Variants in PAK5 observed in about 807,000 individuals in gnomAD.
The protein encoded by PAK5 is p21 (RAC1) activated kinase 5, also known as serine/threonine-protein kinase PAK 5.
A neutral mutation model predicts 65.9 loss-of-function variants in PAK5; 16 were observed. The ratio of observed to expected loss-of-function variants is 0.24; its 90% CI spans 0.16 to 0.37. The LOEUF is 0.37. Ranked by LOEUF, PAK5 falls within the 10% of genes least tolerant of loss-of-function variation. The pLI is 1.00. For synonymous variants in PAK5, 371 were observed against 354.9 expected, an observed-to-expected ratio of 1.05 and a Z score of -0.51; for missense variants, 785 against 903.9, an observed-to-expected ratio of 0.87 and a Z score of 1.69.
intron 2 of PAK5, among the ~76,000 whole-genome samples, chr20:9,659,696 A>G (rs2047317900): frequency 6.6e-6 from 1 of 152,216 alleles, no homozygotes; most frequent in Admixed American, 6.5e-5. Context: ...AAATACTACA[A>G]AGTTGTAGTA....
intron 2 of PAK5, among the ~76,000 whole-genome samples, chr20:9,697,725 T>C (rs2047887987): frequency 6.6e-6 from 1 of 152,164 alleles, no homozygotes; most frequent in African/African-American, 2.4e-5. Flanking sequence ...CCTTTATTAG[T>C]CTGTAGAACA....
At chr20:9,647,948 A>T (rs2047154434) in intron 2 of PAK5, among the ~76,000 whole-genome samples, 1 of 152,196 alleles carries the variant, frequency 6.6e-6, no homozygotes, top group Non-Finnish European at 1.5e-5. Flanking sequence ...GCCTTTTAGC[A>T]CCATGGGACA....
intron 2 of PAK5, among the ~76,000 whole-genome samples, chr20:9,661,433 T>C (rs961180960): frequency 2.6e-5 from 4 of 152,176 alleles, no homozygotes; most frequent in Non-Finnish European, 5.9e-5. Flanking sequence ...CTTTCCCTGT[T>C]ATCTCATTAT....
intron 1 of PAK5, among the ~76,000 whole-genome samples, chr20:9,794,245 A>G (rs2049081378): frequency 6.6e-6 from 1 of 152,074 alleles, no homozygotes; most frequent in African/African-American, 2.4e-5. Context: ...TAAAACCTAG[A>G]TGACAGGTTG....
At chr20:9,729,583 A>G (rs1472395748) in intron 1 of PAK5, among the ~76,000 whole-genome samples, 2 of 152,196 alleles carry the variant, frequency 1.3e-5, no homozygotes, top group Non-Finnish European at 2.9e-5. Context: ...GGGAAAGCTC[A>G]TTAGAATGAG....
At chr20:9,553,511 C>T (rs1376154346) in intron 7 of PAK5, among the ~76,000 whole-genome samples, 1 of 152,078 alleles carries the variant, frequency 6.6e-6, no homozygotes, top group Non-Finnish European at 1.5e-5. Context: ...CAAAACCCTG[C>T]CAACCACTCA....
intron 1 of PAK5, among the ~76,000 whole-genome samples, chr20:9,780,574 A>T (rs1205706262): frequency 6.6e-6 from 1 of 152,074 alleles, no homozygotes; most frequent in African/African-American, 2.4e-5. Flanking sequence ...ATGTATTATG[A>T]CTAATCAAGA....
chr20:9,682,679 C>T (rs2047666364), intron 2 of PAK5, among the ~76,000 whole-genome samples: 1 of 152,204 alleles, frequency 6.6e-6, no homozygotes, highest in African/African-American at 2.4e-5. Context: ...ACCCCACAAT[C>T]TGTGCCACTT....
chr20:9,615,640 C>A (rs6140985), intron 3 of PAK5, among the ~76,000 whole-genome samples: 22,494 of 152,180 alleles, frequency 0.15, 1,897 homozygotes, highest in East Asian at 0.25. Context: ...AAAGTGTGTT[C>A]CAGTTACTGC....
chr20:9,662,227 T>A (rs78885553), intron 2 of PAK5, among the ~76,000 whole-genome samples: 1 of 152,188 alleles, frequency 6.6e-6, no homozygotes, highest in African/African-American at 2.4e-5. Context: ...CACTTCTTGG[T>A]CATCTTTTCT....
intron 1 of PAK5, among the ~76,000 whole-genome samples, chr20:9,770,161 A>C (rs555872940): frequency 1.3e-5 from 2 of 152,190 alleles, no homozygotes; most frequent in East Asian, 3.9e-4. Context: ...GCGAAAGAGG[A>C]CGGTCGACTT....
intron 9 of PAK5, among the ~76,000 whole-genome samples, chr20:9,542,145 G>T (rs542235583): frequency 7.2e-5 from 11 of 152,218 alleles, no homozygotes; most frequent in African/African-American, 2.4e-4. Flanking sequence ...ACCACACTCT[G>T]AAATTATTTT....
intron 1 of PAK5, among the ~76,000 whole-genome samples, chr20:9,814,519 TG>T (rs1041735197): frequency 5.3e-5 from 8 of 152,168 alleles, no homozygotes; most frequent in Admixed American, 5.2e-4. Context: ...AAAAAAGAGT[TG>T]CCAATTAAAA....
In PAK5 at chr20:9,838,479, G is replaced by C. The variant is rs1413605688; in HGVS notation, c.-162+283C>G. Among the ~76,000 whole-genome samples the C allele has an allele frequency of 1.3e-5, 2 of 152,052 alleles. No individual in the cohort carries two copies. Among genetic ancestry groups the C allele is most frequent in the Non-Finnish European group, 2.9e-5 (2 of 67,984 alleles). On this transcript the variant is annotated intron_variant, in intron 1 of 9. Transcript: ENST00000353224. This position sits in a 1 kb window ranked among gnomAD's most constrained non-coding sequence, Gnocchi z 4.5. The stretch of plus-strand genomic sequence containing the variant: ...CCGGGGTTCTCCTCCACGCCCTCCC[G>C]CCCAGCAAAATGGAACCATCCTTTA...
At chr20:9,608,534 A>G (rs1368885442) in intron 3 of PAK5, among the ~76,000 whole-genome samples, 1 of 152,224 alleles carries the variant, frequency 6.6e-6, no homozygotes, top group Non-Finnish European at 1.5e-5. Context: ...GTGTTCAGAC[A>G]TCCATGATCT....
At position 9,788,606 on chromosome 20, in the gene PAK5, G is replaced by C. The variant is rs374809009; in HGVS notation, c.-162+50156C>G. On this transcript the variant is annotated intron_variant, in intron 1 of 9. Coordinates refer to ENST00000353224, the MANE Select transcript of PAK5 (RefSeq NM_177990.4). ...CCTGGTTATCACCTTGCAAAAAACA[G>C]CATCACATACAGTGCCTTGTCTTTT... Among the ~76,000 whole-genome samples the C allele has an allele frequency of 1.4e-4, 21 of 150,868 alleles. No individual in the cohort carries two copies. In the East Asian group the frequency reaches 2.7e-3, roughly 20 times the overall value.
intron 1 of PAK5, among the ~76,000 whole-genome samples, chr20:9,747,435 A>C (rs1224190221): frequency 2.0e-5 from 3 of 151,852 alleles, no homozygotes; most frequent in African/African-American, 7.3e-5. Flanking sequence ...AAAAATCCTC[A>C]GTAAAATACT....
intron 4 of PAK5, among the ~76,000 whole-genome samples, chr20:9,570,799 TGGG>T (rs2045768122): frequency 6.6e-6 from 1 of 152,178 alleles, no homozygotes; most frequent in Non-Finnish European, 1.5e-5. Flanking sequence ...ATATTAAAAA[TGGG>T]AAAGCTGCAT....
intron 3 of PAK5, among the ~76,000 whole-genome samples, chr20:9,615,088 G>T (rs1207641330): frequency 1.3e-5 from 2 of 152,160 alleles, no homozygotes; most frequent in African/African-American, 4.8e-5. Context: ...GAAAAGCTAT[G>T]TAATATATAA....
Sources: allele counts gnomAD v4.1 joint callset (sites outside exome capture counted in the v4.1 genomes callset), GRCh38; gene constraint gnomAD v4.1.1; non-coding constraint Gnocchi (gnomAD v3.1); transcripts MANE v1.5; gene names NCBI Gene and HGNC (gene_info 2026-07-23, HGNC 2026-07-21).